GALNT17: variants seen among roughly 807,000 people sequenced by gnomAD.
The protein encoded by GALNT17 is polypeptide N-acetylgalactosaminyltransferase 17.
In GALNT17, 29 loss-of-function variants were observed where a neutral mutation model predicts 63.7. That is an observed-to-expected ratio of 0.46 (90% CI 0.34 to 0.62). The LOEUF is 0.62. Ranked by LOEUF, GALNT17 falls within the 20% of genes least tolerant of loss-of-function variation. GALNT17 has a pLI of 0.01. For missense variants in GALNT17, 603 were observed against 799.6 expected (o/e 0.75, Z 2.97); for synonymous variants, 305 against 318.3 (o/e 0.96, Z 0.45).
intron 5 of GALNT17, among the ~76,000 whole-genome samples, chr7:71,460,539 A>T (rs1253269204): frequency 6.6e-6 from 1 of 152,194 alleles, no homozygotes; most frequent in Non-Finnish European, 1.5e-5. Context: ...TAGTGTTACC[A>T]GAAAGGGGTC....
In GALNT17 at chr7:71,537,928, C is replaced by T. The variant is rs530249050; in HGVS notation, c.963-33357C>T. ...TTATGTGATCACAGATCAAGGAATT[C>T]CTGTGGCCACCAGAGACTACAAGAG... is the stretch of plus-strand genomic sequence containing the variant. On this transcript the variant is annotated intron_variant, in intron 5 of 10. Transcript: ENST00000333538. 2.1e-3 allele frequency among the ~76,000 whole-genome samples: 313 copies of T among 152,200 alleles called. 1 individual carries two copies. Among genetic ancestry groups the T allele is most frequent in the African/African-American group, 7.4e-3 (306 of 41,522 alleles).
chr7:71,497,220 C>T (rs1292518288), intron 5 of GALNT17, among the ~76,000 whole-genome samples: 2 of 152,206 alleles, frequency 1.3e-5, no homozygotes, highest in Non-Finnish European at 1.5e-5. Flanking sequence ...TGACCTTCTT[C>T]TGTGCACTAA....
chr7:71,681,771 A>C (rs488379), intron 9 of GALNT17, among the ~76,000 whole-genome samples: 31,827 of 152,178 alleles, frequency 0.21, 3,841 homozygotes, highest in Non-Finnish European at 0.28. Flanking sequence ...TGGCATAATC[A>C]AAAACTGCTC....
chr7:71,143,396 C>T (rs139932302), intron 1 of GALNT17, among the ~76,000 whole-genome samples: 44 of 122,800 alleles, frequency 3.6e-4, no homozygotes, highest in East Asian at 1.7e-3. Context: ...CACTCCAGAG[C>T]GAGACTGTCT....
At chr7:71,410,151 A>T (rs1793404155) in intron 3 of GALNT17, among the ~76,000 whole-genome samples, 1 of 152,204 alleles carries the variant, frequency 6.6e-6, no homozygotes, top group African/African-American at 2.4e-5. Context: ...GACAATAGGC[A>T]CTAAGAAACT....
chr7:71,244,892 T>A (rs1790065994), intron 1 of GALNT17, among the ~76,000 whole-genome samples: 1 of 151,820 alleles, frequency 6.6e-6, no homozygotes, highest in Admixed American at 6.6e-5. Flanking sequence ...CAAGGCTGCA[T>A]TGAGCTATCA....
In GALNT17 at chr7:71,436,502, G is replaced by A. The variant is rs1313338645; in HGVS notation, c.962+15397G>A. Among the ~76,000 whole-genome samples, 12 of 152,186 alleles carry A rather than the reference G, an allele frequency of 7.9e-5. No homozygotes were observed. The South Asian group carries it at 8.3e-4, about 11-fold the overall frequency. On this transcript the variant is annotated intron_variant, in intron 5 of 10. Transcript: ENST00000333538. ...TGGGAGGCCGAGGCAGGCAGATCAC[G>A]AGGTCAAGAGATTGAGACCATCCTG...
chr7:71,509,088 G>A (rs1293817664), intron 5 of GALNT17, among the ~76,000 whole-genome samples: 3 of 152,178 alleles, frequency 2.0e-5, no homozygotes, highest in Non-Finnish European at 1.5e-5. Flanking sequence ...CTTTGCAAGG[G>A]TGTGAAAGCA....
At chr7:71,134,619 A>G (rs1787747304) in intron 1 of GALNT17, among the ~76,000 whole-genome samples, 1 of 152,104 alleles carries the variant, frequency 6.6e-6, no homozygotes, top group South Asian at 2.1e-4. Context: ...GTTATGCAGA[A>G]GCTCTTCTCT....
At chr7:71,411,960 C>T (rs1477345728) in intron 3 of GALNT17, among the ~76,000 whole-genome samples, 1 of 152,176 alleles carries the variant, frequency 6.6e-6, no homozygotes, top group African/African-American at 2.4e-5. Context: ...GATAATGCTT[C>T]GGAACTGGTG....
At chr7:71,482,231 C>G (rs1349702691) in intron 5 of GALNT17, among the ~76,000 whole-genome samples, 1 of 151,202 alleles carries the variant, frequency 6.6e-6, no homozygotes, top group African/African-American at 2.4e-5. Context: ...CTCACTGCAA[C>G]CTCTGCCTCC....
intron 1 of GALNT17, among the ~76,000 whole-genome samples, chr7:71,243,341 A>G (rs1222727865): frequency 6.6e-6 from 1 of 152,072 alleles, no homozygotes; most frequent in African/African-American, 2.4e-5. Context: ...TCTTTTCTTT[A>G]TAAATTACCC....
At chr7:71,399,891 A>G (rs984710808) in intron 3 of GALNT17, among the ~76,000 whole-genome samples, 12 of 151,978 alleles carry the variant, frequency 7.9e-5, no homozygotes, top group African/African-American at 2.9e-4. Flanking sequence ...ATACTTTTTC[A>G]TATGTTTATA....
intron 5 of GALNT17, among the ~76,000 whole-genome samples, chr7:71,484,848 G>A (rs956310436): frequency 7.7e-5 from 11 of 142,660 alleles, no homozygotes; most frequent in African/African-American, 2.9e-4. Context: ...GCTCAGGCTG[G>A]AGTGCAATGG....
At chr7:71,335,105 A>G (rs1214072788) in intron 1 of GALNT17, among the ~76,000 whole-genome samples, 1 of 152,018 alleles carries the variant, frequency 6.6e-6, no homozygotes, top group Non-Finnish European at 1.5e-5. Flanking sequence ...CCCAGTCCCC[A>G]AAAGGAGAGA....
At chr7:71,590,320 T>C (rs138011497) in intron 6 of GALNT17, among the ~76,000 whole-genome samples, 1 of 152,324 alleles carries the variant, frequency 6.6e-6, no homozygotes, top group East Asian at 1.9e-4. Flanking sequence ...GGTATTCTGT[T>C]TGGAATTTCA....
Position 71,644,579 on chromosome 7 carries a change from GAAAAGAA to G in GALNT17, c.1081-20822_1081-20816del, listed in dbSNP as rs1201893610. ...AGAAAAAAAAAAGAAGAGAAAGAAA[GAAAAGAA>G]AAAAGAAAAGAAAAATCAGCCAGGC... On this transcript the variant is annotated intron_variant, in intron 6 of 10. Coordinates refer to ENST00000333538, the MANE Select transcript of GALNT17 (RefSeq NM_022479.3). 5.6e-5 allele frequency among the ~76,000 whole-genome samples: 7 copies of G among 125,028 alleles called. No homozygotes were observed. In the South Asian group the frequency reaches 1.4e-3, roughly 24 times the overall value. The allele number at this position is 125,028 out of a possible 152,430, so 82.0% of individuals were successfully genotyped here. A position where few individuals can be genotyped will look rare whatever the true frequency, so the allele number is the denominator to read the frequency against.
At chr7:71,142,941 CAA>C (rs58537746) in intron 1 of GALNT17, among the ~76,000 whole-genome samples, 389 of 123,288 alleles carry the variant, frequency 3.2e-3, no homozygotes, top group East Asian at 8.5e-3. Context: ...ACTCTTGTCT[CAA>C]AAAAAAAAAA....
chr7:71,559,977 C>T lies in GALNT17; in HGVS notation c.963-11308C>T, dbSNP rs574357459. 3.9e-3 allele frequency among the ~76,000 whole-genome samples: 581 copies of T among 150,882 alleles called. 6 individuals are homozygous for T. Among genetic ancestry groups the T allele is most frequent in the African/African-American group, 0.013 (550 of 41,142 alleles). On this transcript the variant is annotated intron_variant, in intron 5 of 10. Coordinates refer to ENST00000333538, the MANE Select transcript of GALNT17 (RefSeq NM_022479.3). The stretch of plus-strand genomic sequence containing the variant: ...TTGAGAGGCTGCAGCGGGCAAATCG[C>T]GAGGTCAGGAGTTCGAGACCAGCCT...
Sources: allele counts gnomAD v4.1 joint callset (sites outside exome capture counted in the v4.1 genomes callset), GRCh38; gene constraint gnomAD v4.1.1; transcripts MANE v1.5; gene names NCBI Gene and HGNC (gene_info 2026-07-23, HGNC 2026-07-21).